ARHGAP5: variants seen among roughly 807,000 people sequenced by gnomAD.
ARHGAP5 encodes Rho GTPase activating protein 5.
In ARHGAP5, 23 loss-of-function variants were observed where a neutral mutation model predicts 116.6. The observed-to-expected ratio is 0.20, with a 90% CI of 0.14 to 0.28. The LOEUF is 0.28. Among genes scored for constraint, ARHGAP5 ranks in the 10% least tolerant of loss-of-function variants. The probability of loss-of-function intolerance (pLI) is 1.00; values close to 1 mark genes in which losing one functional copy is unlikely to be tolerated. For missense variants in ARHGAP5, 1,405 were observed against 1,774.8 expected (o/e 0.79, Z 3.74); for synonymous variants, 574 against 602.0 (o/e 0.95, Z 0.68).
intron 2 of ARHGAP5, 104 bp downstream of exon 2, chr14:32,094,490 AATAATT>A: frequency 1.2e-6 from 1 of 808,690 alleles, no homozygotes; most frequent in Non-Finnish European, 1.9e-6. Context: ...TTCCATACAT[AATAATT>A]AGTAGCCCTT....
chr14:32,140,113 T>C (rs1363037929), intron 3 of ARHGAP5, among the ~76,000 whole-genome samples: 91 of 113,836 alleles, frequency 8.0e-4, no homozygotes, highest in African/African-American at 3.0e-3. Context: ...TTTTTTTTTT[T>C]CCTTTTTTTT....
At chr14:32,122,040 C>T (rs547815729) in intron 3 of ARHGAP5, among the ~76,000 whole-genome samples, 2 of 152,164 alleles carry the variant, frequency 1.3e-5, no homozygotes, top group East Asian at 1.9e-4. Context: ...TATGTTTTCA[C>T]CTCTTGGGTA....
chr14:32,077,828 G>T (rs1251866640), intron 1 of ARHGAP5, among the ~76,000 whole-genome samples: 1 of 152,118 alleles, frequency 6.6e-6, no homozygotes, highest in African/African-American at 2.4e-5. Flanking sequence ...TCCGTTGGCC[G>T]GGTTGCTGCT....
At chr14:32,141,933 T>C (rs528594255) in intron 3 of ARHGAP5, among the ~76,000 whole-genome samples, 52 of 152,288 alleles carry the variant, frequency 3.4e-4, no homozygotes, top group African/African-American at 1.2e-3. Context: ...TGTTTTTTCA[T>C]TCATTCCTCT....
At position 32,093,610 on chromosome 14, in the gene ARHGAP5, T is replaced by G; in HGVS notation, c.2941T>G (p.Ser981Ala). 1 of 1,613,838 alleles carries G rather than the reference T, an allele frequency of 6.2e-7. No individual in the cohort carries two copies. The change falls in exon 2 of 7, where the codon TCA becomes GCA. Residue 981 changes from serine (S) to alanine (A), a missense_variant. By Grantham distance (99) the Ser-to-Ala change is moderately conservative. Coordinates refer to ENST00000345122, the MANE Select transcript of ARHGAP5 (RefSeq NM_001030055.2). The stretch of plus-strand genomic sequence containing the variant: ...TTTTCCCTATAATAACTACCCTGAT[T>G]CAGATGATGACACAGAAGCACCACC... Reference protein sequence around the residue: ...DCFPYNNYPDSDDDTEAPPPY... With the variant: ...DCFPYNNYPDADDDTEAPPPY...
intron 3 of ARHGAP5, among the ~76,000 whole-genome samples, chr14:32,122,532 G>T (rs896370624): frequency 1.3e-5 from 2 of 152,158 alleles, no homozygotes; most frequent in African/African-American, 4.8e-5. Flanking sequence ...CATTTTGTCT[G>T]TTTCTAAAAT....
Position 32,093,335 on chromosome 14 carries a change from C to T in ARHGAP5, c.2666C>T (p.Ala889Val). Reference protein sequence around the residue: ...VQLVAVTDSQADFFENEAIKE... With the variant: ...VQLVAVTDSQVDFFENEAIKE... The stretch of plus-strand genomic sequence containing the variant: ...CTGGTGGCAGTTACTGACAGCCAAG[C>T]AGATTTTTTTGAAAATGAGGCTATC... The change falls in exon 2 of 7, where the codon GCA becomes GTA. Residue 889 changes from alanine (A) to valine (V), a missense_variant. Physicochemically the swap from Ala to Val is moderately conservative, Grantham distance 64 (BLOSUM62 0). Coordinates refer to ENST00000345122, the MANE Select transcript of ARHGAP5 (RefSeq NM_001030055.2). 1 of 1,613,896 alleles carries T rather than the reference C, an allele frequency of 6.2e-7. No homozygotes were observed. The highest frequency in any genetic ancestry group is 8.5e-7 in the Non-Finnish European group (1 of 1,179,916).
chr14:32,156,859 CTA>C lies in ARHGAP5; in HGVS notation c.*1913_*1914del, dbSNP rs1227958602. On this transcript the variant is annotated 3_prime_UTR_variant, in exon 7 of 7. Coordinates refer to ENST00000345122, the MANE Select transcript of ARHGAP5 (RefSeq NM_001030055.2). ...AACTATGTACAGGAAAAAAGCCTGACTATTTCTATTTGGAAGTAGGCTGAAAA... is the reference window on the plus strand; with the variant it reads ...AACTATGTACAGGAAAAAAGCCTGACTTTCTATTTGGAAGTAGGCTGAAAA... 6.6e-6 allele frequency: 1 copy of C among 152,298 alleles called. No homozygotes were observed. The highest frequency in any genetic ancestry group is 2.4e-5 in the African/African-American group (1 of 41,438). 9.4% of individuals were successfully genotyped at this position (152,298 alleles called of 1,614,324 possible).
intron 3 of ARHGAP5, among the ~76,000 whole-genome samples, chr14:32,144,012 C>T (rs1042955272): frequency 6.6e-6 from 1 of 152,140 alleles, no homozygotes; most frequent in African/African-American, 2.4e-5. Context: ...ATTATGCCCC[C>T]AGCTGAGAAC....
chr14:32,090,878 AT>A lies in ARHGAP5; in HGVS notation c.210del (p.His71ThrfsTer8). The A allele has an allele frequency of 6.2e-7, 1 of 1,613,644 alleles. No homozygotes were observed. Among genetic ancestry groups the A allele is most frequent in the Non-Finnish European group, 8.5e-7 (1 of 1,179,630 alleles). On this transcript the variant is annotated frameshift_variant, in exon 2 of 7. Coordinates refer to ENST00000345122, the MANE Select transcript of ARHGAP5 (RefSeq NM_001030055.2). LOFTEE classifies it high-confidence loss of function. The stretch of plus-strand genomic sequence containing the variant: ...TTTGGAGGACGAGTAGTAAACAATG[AT>A]CACTTTTTGTACTGGGGTGACATAA... ...IDFGGRVVNN[D>X]HFLYWGDIIQ...
chr14:32,120,278 CTTTCTTCCCTGA>C (rs1206058829), intron 3 of ARHGAP5, among the ~76,000 whole-genome samples: 23 of 152,134 alleles, frequency 1.5e-4, no homozygotes, highest in African/African-American at 4.3e-4. Flanking sequence ...GTAGTGACGT[CTTTCTTCCCTGA>C]TATTACTAAA....
chr14:32,129,661 TTTTTTTTAATCAC>T (rs373021226), intron 3 of ARHGAP5, among the ~76,000 whole-genome samples: 3 of 152,346 alleles, frequency 2.0e-5, no homozygotes, highest in African/African-American at 7.2e-5. Context: ...TCCCACTTTT[TTTTTTTTAATCAC>T]TACAACACTT....
intron 3 of ARHGAP5, among the ~76,000 whole-genome samples, chr14:32,134,413 A>G (rs1435736954): frequency 6.6e-6 from 1 of 152,172 alleles, no homozygotes; most frequent in Non-Finnish European, 1.5e-5. Flanking sequence ...CTGTAATGGC[A>G]TTGTGCCTGA....
chr14:32,123,799 A>G (rs1157120128), intron 3 of ARHGAP5, among the ~76,000 whole-genome samples: 1 of 152,152 alleles, frequency 6.6e-6, no homozygotes, highest in Non-Finnish European at 1.5e-5. Context: ...GGTCCTTTCT[A>G]AGATGGATTG....
In ARHGAP5 at chr14:32,093,452, C is replaced by T; in HGVS notation, c.2783C>T (p.Thr928Ile). The T allele has an allele frequency of 6.2e-7, 1 of 1,613,386 alleles. No individual in the cohort carries two copies. The highest frequency in any genetic ancestry group is 8.5e-7 in the Non-Finnish European group (1 of 1,179,766). ...TCTTTATCTCAGTATCATCGGCAAA[C>T]TGAGGTCTTTACTCTGTTTTTTAGT... ...LYSLSQYHRQ[T>I]EVFTLFFSDV... Residue 928 changes from threonine (T) to isoleucine (I), a missense_variant, in exon 2 of 7, where the codon ACT becomes ATT. By Grantham distance (89) the Thr-to-Ile change is moderately conservative. Around this residue, in one of 6 missense-constraint regions of ARHGAP5, gnomAD observed 944 missense variants for 1,095.3 expected, o/e 0.86. Coordinates refer to ENST00000345122, the MANE Select transcript of ARHGAP5 (RefSeq NM_001030055.2).
Position 32,077,424 on chromosome 14 carries a change from C to T in ARHGAP5, c.-180C>T, listed in dbSNP as rs748628952. Reference sequence around the variant, plus strand: ...CCGTTGAGGAGGAGACGGAGGAGACCGACGTTGTTAGGTAGGACCTTGCGG... The same window carrying T: ...CCGTTGAGGAGGAGACGGAGGAGACTGACGTTGTTAGGTAGGACCTTGCGG... On this transcript the variant is annotated 5_prime_UTR_variant, in exon 1 of 7. Coordinates refer to ENST00000345122, the MANE Select transcript of ARHGAP5 (RefSeq NM_001030055.2). The T allele has an allele frequency of 4.2e-6, 3 of 706,384 alleles. No individual in the cohort carries two copies. Among genetic ancestry groups the T allele is most frequent in the East Asian group, 2.7e-5 (1 of 37,582 alleles). The allele number at this position is 706,384 out of a possible 1,614,324, so 43.8% of individuals were successfully genotyped here. A position where few individuals can be genotyped will look rare whatever the true frequency, so the allele number is the denominator to read the frequency against.
chr14:32,140,086 G>GTTTTTTTTTTTT (rs1566681639), intron 3 of ARHGAP5, among the ~76,000 whole-genome samples: 1 of 43,634 alleles, frequency 2.3e-5, no homozygotes, highest in Non-Finnish European at 4.8e-5. Flanking sequence ...TTTTTTTTTA[G>GTTTTTTTTTTTT]GTTATTTGTT....
intron 3 of ARHGAP5, among the ~76,000 whole-genome samples, chr14:32,137,256 G>A (rs955855890): frequency 7.5e-5 from 11 of 147,608 alleles, no homozygotes; most frequent in Non-Finnish European, 1.6e-4. Context: ...TCTAGTATGA[G>A]GTAGAGATCT....
At chr14:32,130,132 A>G (rs1282560274) in intron 3 of ARHGAP5, among the ~76,000 whole-genome samples, 2 of 151,474 alleles carry the variant, frequency 1.3e-5, no homozygotes, top group Non-Finnish European at 2.9e-5. Context: ...CACATATCTT[A>G]AGCAGCTTAA....
Sources: allele counts gnomAD v4.1 joint callset (sites outside exome capture counted in the v4.1 genomes callset), GRCh38; gene constraint gnomAD v4.1.1; regional missense constraint gnomAD v4.1.1; transcripts MANE v1.5; gene names NCBI Gene and HGNC (gene_info 2026-07-23, HGNC 2026-07-21).